Variants in ROBO2 observed in about 807,000 individuals in gnomAD.
ROBO2 encodes the protein roundabout guidance receptor 2, also known as roundabout homolog 2.
Under a neutral mutation model 160.8 loss-of-function variants are expected in ROBO2, and 53 were observed. The ratio of observed to expected loss-of-function variants is 0.33; its 90% CI spans 0.26 to 0.41. The LOEUF (loss-of-function observed/expected upper bound fraction) is 0.41. ROBO2 is among the 10% of genes least tolerant of loss of function. ROBO2 has a pLI of 1.00. For missense variants in ROBO2, 1,577 were observed against 1,722.4 expected, an observed-to-expected ratio of 0.92 and a Z score of 1.49; for synonymous variants, 664 against 611.7, an observed-to-expected ratio of 1.09 and a Z score of -1.26.
intron 2 of ROBO2, among the ~76,000 whole-genome samples, chr3:76,194,628 T>TA (rs1702174358): frequency 6.6e-6 from 1 of 151,622 alleles, no homozygotes; most frequent in South Asian, 2.1e-4. Flanking sequence ...AATGTGATTT[T>TA]TTTTTTTTTT....
At chr3:77,077,877 C>T (rs2068177753) in intron 1 of ROBO2, among the ~76,000 whole-genome samples, 1 of 152,120 alleles carries the variant, frequency 6.6e-6, no homozygotes, top group African/African-American at 2.4e-5. Flanking sequence ...TCTGCTTTCT[C>T]CTTGAGGCCA....
chr3:77,176,576 T>A (rs2080181552), intron 2 of ROBO2, among the ~76,000 whole-genome samples: 2 of 152,056 alleles, frequency 1.3e-5, no homozygotes, highest in African/African-American at 4.8e-5. Context: ...ATTAGAAAGA[T>A]CACAACATAG....
At chr3:77,371,032 C>T (rs112884428) in intron 2 of ROBO2, among the ~76,000 whole-genome samples, 48 of 152,106 alleles carry the variant, frequency 3.2e-4, no homozygotes, top group African/African-American at 1.1e-3. Flanking sequence ...GGAAAAAGAG[C>T]GGATATGAGA....
chr3:76,280,689 T>C (rs146494045), intron 2 of ROBO2, among the ~76,000 whole-genome samples: 45 of 152,136 alleles, frequency 3.0e-4, no homozygotes, highest in African/African-American at 1.1e-3. Flanking sequence ...TTTTTAGAAA[T>C]TTTTCTTTCA....
intron 2 of ROBO2, among the ~76,000 whole-genome samples, chr3:77,012,551 A>G (rs1026925100): frequency 4.6e-5 from 7 of 152,212 alleles, no homozygotes; most frequent in East Asian, 1.9e-4. Flanking sequence ...TATCAGCTAC[A>G]TGGATAGATA....
At chr3:76,559,523 T>C (rs943217755) in intron 2 of ROBO2, among the ~76,000 whole-genome samples, 7 of 152,120 alleles carry the variant, frequency 4.6e-5, no homozygotes, top group Non-Finnish European at 8.8e-5. Context: ...ATGTACAAAC[T>C]TTTTGAAGAC....
intron 2 of ROBO2, among the ~76,000 whole-genome samples, chr3:77,120,287 A>G (rs1007719832): frequency 3.3e-5 from 5 of 152,222 alleles, no homozygotes; most frequent in Non-Finnish European, 7.3e-5. Context: ...TGATGTTGAT[A>G]TAGCAATCTA....
intron 2 of ROBO2, among the ~76,000 whole-genome samples, chr3:77,176,434 G>A (rs543278958): frequency 6.6e-6 from 1 of 152,056 alleles, no homozygotes; most frequent in Non-Finnish European, 1.5e-5. Flanking sequence ...CATCTCTAAA[G>A]AAAATTTTAG....
intron 2 of ROBO2, among the ~76,000 whole-genome samples, chr3:76,008,958 T>C (rs1051893481): frequency 3.3e-5 from 5 of 151,748 alleles, no homozygotes; most frequent in African/African-American, 1.2e-4. Context: ...ACAGAGGGAG[T>C]ATGATCTAAT....
rs150810817 is a variant in ROBO2 at position 77,316,548 on chromosome 3, A to G, written c.389-160866A>G. Among the ~76,000 whole-genome samples the G allele has an allele frequency of 3.3e-3, 510 of 152,254 alleles. 2 individuals carry two copies. Among genetic ancestry groups the G allele is most frequent in the African/African-American group, 0.012 (485 of 41,546 alleles). ...GGGCTACCGAGTTCCCCCCAAGTCT[A>G]CTACTGAAAGGATCTTTTTTGGAAA... On this transcript the variant is annotated intron_variant, in intron 2 of 25. Coordinates refer to ENST00000461745, the Ensembl canonical transcript of ROBO2.
rs71277580 is a variant in ROBO2, at chr3:76,308,376, CA to C, written c.109+370795del. ...TGGGTGACAGCGTGAGACTCTGTCT[CA>C]AAAAAAAAAAAAAAAAAAAAGAAAG... On this transcript the variant is annotated intron_variant, in intron 2 of 26. Transcript: ENST00000487694. Among the ~76,000 whole-genome samples the C allele has an allele frequency of 8.6e-3, 733 of 85,582 alleles. 12 individuals carry two copies. The highest frequency in any genetic ancestry group is 0.032 in the Middle Eastern group (4 of 126). The allele number at this position is 85,582 out of a possible 152,430, so 56.1% of individuals were successfully genotyped here. A position where few individuals can be genotyped will look rare whatever the true frequency, so the allele number is the denominator to read the frequency against.
chr3:76,688,299 A>C (rs1221474761), intron 2 of ROBO2, among the ~76,000 whole-genome samples: 1 of 152,042 alleles, frequency 6.6e-6, no homozygotes, highest in Non-Finnish European at 1.5e-5. Context: ...GTTGGTGAGA[A>C]TTTATTACGA....
chr3:76,543,178 A>G (rs925175513), intron 2 of ROBO2, among the ~76,000 whole-genome samples: 2 of 152,204 alleles, frequency 1.3e-5, no homozygotes, highest in African/African-American at 4.8e-5. Context: ...ACTCTGGACT[A>G]GATACACTCA....
intron 2 of ROBO2, among the ~76,000 whole-genome samples, chr3:76,481,783 C>T (rs2079222743): frequency 6.6e-6 from 1 of 152,058 alleles, no homozygotes; most frequent in Non-Finnish European, 1.5e-5. Context: ...TTAAGAGCGT[C>T]ACTCCACACA....
chr3:76,035,740 C>A (rs1482160853), intron 2 of ROBO2, among the ~76,000 whole-genome samples: 1 of 152,074 alleles, frequency 6.6e-6, no homozygotes, highest in Non-Finnish European at 1.5e-5. Flanking sequence ...AATTCCCATA[C>A]ACATTTGGGG....
chr3:76,821,332 A>C (rs553448632), intron 2 of ROBO2, among the ~76,000 whole-genome samples: 2 of 152,122 alleles, frequency 1.3e-5, no homozygotes, highest in South Asian at 4.1e-4. Context: ...ATAGTTCAAC[A>C]ATGTAAATAT....
rs758723329 is a variant in ROBO2, at chr3:76,335,702, C to T, written c.109+398100C>T. Among the ~76,000 whole-genome samples the T allele has an allele frequency of 1.3e-4, 20 of 151,926 alleles. No homozygotes were observed. In the South Asian group the frequency reaches 2.1e-3, roughly 16 times the overall value. On this transcript the variant is annotated intron_variant, in intron 2 of 26. Transcript: ENST00000487694. ...ACGCCATTCTCCTGCCTCAGCCTCC[C>T]GAGCAGCTGGGACTACAGGCGCCGC...
intron 5 of ROBO2, among the ~76,000 whole-genome samples, chr3:77,510,025 C>T (rs765339549): frequency 2.6e-5 from 4 of 151,682 alleles, no homozygotes; most frequent in African/African-American, 9.7e-5. Context: ...AGAGACAGCC[C>T]GAGAATTCTG....
intron 2 of ROBO2, among the ~76,000 whole-genome samples, chr3:76,771,659 T>TGA (rs2061913321): frequency 1.3e-5 from 2 of 151,258 alleles, no homozygotes; most frequent in Non-Finnish European, 3.0e-5. Flanking sequence ...ATTTAAGTAA[T>TGA]TGAATTTTCA....
Sources: allele counts gnomAD v4.1 joint callset (sites outside exome capture counted in the v4.1 genomes callset), GRCh38; gene constraint gnomAD v4.1.1; transcripts MANE v1.5; gene names NCBI Gene and HGNC (gene_info 2026-07-23, HGNC 2026-07-21).